The following FBXO22 variants were observed in gnomAD, a reference collection of about 807,000 sequenced individuals.
FBXO22 encodes the protein F-box protein 22.
In FBXO22, 13 loss-of-function variants were observed where a neutral mutation model predicts 37.2. The ratio of observed to expected loss-of-function variants is 0.35; its 90% CI spans 0.23 to 0.56. The LOEUF is 0.56. FBXO22 is among the 20% of genes least tolerant of loss of function. The pLI, the probability that FBXO22 is intolerant of heterozygous loss-of-function variation, is 0.87. For synonymous variants in FBXO22, 189 were observed against 189.1 expected (o/e 1.00, Z 0.00); for missense variants, 446 against 509.9 (o/e 0.87, Z 1.21).
At chr15:75,929,631 T>C (rs1344066871) in intron 5 of FBXO22, among the ~76,000 whole-genome samples, 2 of 152,044 alleles carry the variant, frequency 1.3e-5, no homozygotes, top group Admixed American at 6.6e-5. Context: ...TTAACACAAA[T>C]AGCCATTTAG....
At chr15:75,915,825 G>T (rs909102442) in intron 4 of FBXO22, among the ~76,000 whole-genome samples, 1 of 151,692 alleles carries the variant, frequency 6.6e-6, no homozygotes, top group African/African-American at 2.4e-5. Flanking sequence ...GCTTGAGCCC[G>T]GGAGGCAGAG....
At chr15:75,913,474 C>A (rs571848319) in intron 3 of FBXO22, among the ~76,000 whole-genome samples, 184 bp downstream of exon 3, 24 of 152,262 alleles carry the variant, frequency 1.6e-4, no homozygotes. Context: ...AGATTGATTT[C>A]TAAACCTTGT....
chr15:75,909,030 TG>T (rs1899990406), intron 2 of FBXO22, among the ~76,000 whole-genome samples: 1 of 152,244 alleles, frequency 6.6e-6, no homozygotes, highest in African/African-American at 2.4e-5. Context: ...AATGAGGCTT[TG>T]CTATATCCTA....
Position 75,904,561 on chromosome 15 carries a change from G to A in FBXO22, c.211G>A (p.Ala71Thr). 1.9e-6 allele frequency: 3 copies of A among 1,613,538 alleles called. No individual in the cohort carries two copies. The highest frequency in any genetic ancestry group is 2.5e-6 in the Non-Finnish European group (3 of 1,179,698). ...CCATCGGAGCGTAACCTGGATCTCC[G>A]CAGGCCTGGCGGAGGCCGGCCACCT... ...RTHRSVTWISAGLAEAGHLEG... is the reference protein window; with the variant it reads ...RTHRSVTWISTGLAEAGHLEG... Residue 71 changes from alanine to threonine, a missense_variant, in exon 2 of 7, where the codon GCA becomes ACA. Physicochemically the swap from Ala to Thr is moderately conservative, Grantham distance 58. This residue lies in a region of FBXO22 where 131 missense variants were observed against 99.8 expected (regional missense o/e 1.31). Transcript: ENST00000308275.
At position 75,933,191 on chromosome 15, in the gene FBXO22, ATAACTT is replaced by A; in HGVS notation, c.*92_*97del. On this transcript the variant is annotated 3_prime_UTR_variant, in exon 7 of 7. Coordinates refer to ENST00000308275, the MANE Select transcript of FBXO22 (RefSeq NM_147188.3). ...TGGGCCATGTGTATTTCAAACAAAA[ATAACTT>A]TAGATATATCTTTTTTGTAGCTTTG... is the stretch of plus-strand genomic sequence containing the variant. The A allele has an allele frequency of 3.8e-6, 4 of 1,049,890 alleles. No individual in the cohort carries two copies. The highest frequency in any genetic ancestry group is 5.5e-6 in the Non-Finnish European group (4 of 723,664). The allele number at this position is 1,049,890 out of a possible 1,614,324, so 65.0% of individuals were successfully genotyped here.
At chr15:75,911,135 G>T (rs1311476816) in intron 2 of FBXO22, among the ~76,000 whole-genome samples, 1 of 152,060 alleles carries the variant, frequency 6.6e-6, no homozygotes, top group African/African-American at 2.4e-5. Flanking sequence ...ATCTGTTTTG[G>T]TACCAGTACC....
chr15:75,905,120 G>A (rs1160612036), intron 2 of FBXO22, among the ~76,000 whole-genome samples: 1 of 152,044 alleles, frequency 6.6e-6, no homozygotes, highest in Non-Finnish European at 1.5e-5. Context: ...ACCGCGCCCG[G>A]CATGTTGGGC....
rs761474958 is a variant in FBXO22, at chr15:75,933,207, C to A, written c.*105C>A. 1 of 936,942 alleles carries A rather than the reference C, an allele frequency of 1.1e-6. No homozygotes were observed. The highest frequency in any genetic ancestry group is 1.6e-6 in the Non-Finnish European group (1 of 629,848). The allele number at this position is 936,942 out of a possible 1,614,324, so 58.0% of individuals were successfully genotyped here. On this transcript the variant is annotated 3_prime_UTR_variant, in exon 7 of 7. Coordinates refer to ENST00000308275, the MANE Select transcript of FBXO22 (RefSeq NM_147188.3). ...CAAACAAAAATAACTTTAGATATAT[C>A]TTTTTTGTAGCTTTGATTGATGCTC... is the stretch of plus-strand genomic sequence containing the variant.
intron 5 of FBXO22, among the ~76,000 whole-genome samples, chr15:75,923,955 G>A (rs1277416919): frequency 6.6e-6 from 1 of 152,100 alleles, no homozygotes; most frequent in African/African-American, 2.4e-5. Context: ...TGAGGGAGGT[G>A]ACAGCGATGT....
chr15:75,904,145 C>G, intron 1 of FBXO22, 42 bp downstream of exon 1: 1 of 1,507,740 alleles, frequency 6.6e-7, no homozygotes, highest in South Asian at 1.3e-5. Context: ...CCTGGGGACA[C>G]GCCGTGGGCA....
intron 2 of FBXO22, among the ~76,000 whole-genome samples, chr15:75,912,836 A>G (rs953391270): frequency 1.4e-4 from 22 of 152,180 alleles, no homozygotes; most frequent in African/African-American, 5.3e-4. Context: ...TTGCTTCTCT[A>G]GTTCTTTTAA....
At chr15:75,912,883 C>T (rs1900093105) in intron 2 of FBXO22, among the ~76,000 whole-genome samples, 1 of 152,188 alleles carries the variant, frequency 6.6e-6, no homozygotes, top group Admixed American at 6.5e-5. Context: ...ATCTTTCCTG[C>T]TTTCTCCTGT....
chr15:75,917,149 A>T (rs1595914198), intron 4 of FBXO22, 81 bp from the exon 5 acceptor site: 83 of 989,212 alleles, frequency 8.4e-5, no homozygotes, highest in Middle Eastern at 5.2e-4. Context: ...TTGTTAGCTT[A>T]ATGATTATCT....
At chr15:75,904,685 G>A in intron 2 of FBXO22, 56 bp downstream of exon 2, 1 of 1,512,576 alleles carries the variant, frequency 6.6e-7, no homozygotes, top group South Asian at 1.3e-5. Flanking sequence ...TTCAGTCTTT[G>A]AGAACTATTT....
In FBXO22 at chr15:75,942,248, A is replaced by G. The variant is rs529247646; in HGVS notation, c.*9146A>G. On this transcript the variant is annotated 3_prime_UTR_variant, in exon 7 of 7. Coordinates refer to ENST00000308275, the MANE Select transcript of FBXO22 (RefSeq NM_147188.3). ...TATAATAGTGGATACATGACATTATATATTGGTCAAAATCCATAAAGACAT... is the reference window on the plus strand; with the variant it reads ...TATAATAGTGGATACATGACATTATGTATTGGTCAAAATCCATAAAGACAT... The G allele has an allele frequency of 1.3e-5, 2 of 152,292 alleles. No individual in the cohort carries two copies. Among genetic ancestry groups the G allele is most frequent in the South Asian group, 2.1e-4 (1 of 4,830 alleles). 9.4% of individuals were successfully genotyped at this position (152,292 alleles called of 1,614,324 possible). A position where few individuals can be genotyped will look rare whatever the true frequency, so the allele number is the denominator to read the frequency against.
rs115254038 is a variant in FBXO22 at position 75,912,072 on chromosome 15, G to A, written c.280-1131G>A. On this transcript the variant is annotated intron_variant, in intron 2 of 6. Transcript: ENST00000308275. ...TATATGATGTATATGTTTATATGAC[G>A]TGTATTGATTTGCATATGTTGAACC... Among the ~76,000 whole-genome samples the A allele has an allele frequency of 3.9e-3, 585 of 150,924 alleles. 2 individuals carry two copies. The highest frequency in any genetic ancestry group is 0.013 in the African/African-American group (537 of 41,194).
At chr15:75,919,521 C>T (rs1419135110) in intron 5 of FBXO22, among the ~76,000 whole-genome samples, 2 of 152,216 alleles carry the variant, frequency 1.3e-5, no homozygotes, top group African/African-American at 2.4e-5. Context: ...TTCTGGCTCT[C>T]CAGTTAGGGC....
At chr15:75,916,393 C>T (rs1900191139) in intron 4 of FBXO22, among the ~76,000 whole-genome samples, 2 of 152,224 alleles carry the variant, frequency 1.3e-5, no homozygotes, top group Admixed American at 1.3e-4. Context: ...AGCTTACTTA[C>T]AGCTGCTCTC....
chr15:75,936,258 T>C lies in FBXO22; in HGVS notation c.*3156T>C, dbSNP rs1401026733. On this transcript the variant is annotated 3_prime_UTR_variant, in exon 7 of 7. Transcript: ENST00000308275. ...GAAGAAATCATGAAATTTTAGATGA[T>C]TGACTTGGTTTTCATTTGTAGAAAC... 6.6e-6 allele frequency: 1 copy of C among 152,210 alleles called. No homozygotes were observed. Among genetic ancestry groups the C allele is most frequent in the East Asian group, 1.9e-4 (1 of 5,202 alleles). The allele number at this position is 152,210 out of a possible 1,614,324, so 9.4% of individuals were successfully genotyped here.
Sources: gnomAD v4.1 joint callset for allele counts (sites outside exome capture counted in the v4.1 genomes callset) on GRCh38, gnomAD v4.1.1 for gene constraint, gnomAD v4.1.1 regional missense constraint, MANE v1.5 for transcripts, NCBI Gene and HGNC (gene_info 2026-07-23, HGNC 2026-07-21) for gene names.